The following ST6GAL2 variants were observed in gnomAD, a reference collection of about 807,000 sequenced individuals.
The protein encoded by ST6GAL2 is beta-galactoside alpha-2,6-sialyltransferase 2.
ST6GAL2 carries 24 observed loss-of-function variants against 37.5 expected under a neutral mutation model. The ratio of observed to expected loss-of-function variants is 0.64; its 90% confidence interval spans 0.46 to 0.90. The LOEUF (loss-of-function observed/expected upper bound fraction) is 0.90, where lower values mean the gene tolerates loss of function less well. Ranked by LOEUF, ST6GAL2 falls within the 40% of genes least tolerant of loss-of-function variation. The pLI, the probability that ST6GAL2 is intolerant of heterozygous loss-of-function variation, is 0.00. For missense variants in ST6GAL2, 715 were observed against 712.7 expected, an observed-to-expected ratio of 1.00 and a Z score of -0.04; for synonymous variants, 306 against 295.1, an observed-to-expected ratio of 1.04 and a Z score of -0.38.
intron 5 of ST6GAL2, among the ~76,000 whole-genome samples, chr2:106,807,566 T>G (rs541451133): frequency 5.9e-5 from 9 of 152,288 alleles, no homozygotes; most frequent in African/African-American, 2.2e-4. Context: ...AGTGTTAAAC[T>G]TTTAATTTTT....
At chr2:106,854,985 G>A (rs1256405740) in intron 1 of ST6GAL2, among the ~76,000 whole-genome samples, 3 of 151,088 alleles carry the variant, frequency 2.0e-5, no homozygotes, top group African/African-American at 7.3e-5. Context: ...AACCCTGTCA[G>A]GGACTGAATA....
At chr2:106,862,149 T>G (rs1399553034) in intron 1 of ST6GAL2, among the ~76,000 whole-genome samples, 1 of 152,248 alleles carries the variant, frequency 6.6e-6, no homozygotes, top group African/African-American at 2.4e-5. Context: ...ATTCCGTATA[T>G]GATATGCAGC....
upstream of ST6GAL2, chr2:106,886,646 C>G (rs1679011290): frequency 6.6e-6 from 1 of 151,866 alleles, no homozygotes. Context: ...ACCGAGGCTG[C>G]GCCGCGCCCC....
At chr2:106,860,577 C>G (rs1392800560) in intron 1 of ST6GAL2, among the ~76,000 whole-genome samples, 1 of 152,122 alleles carries the variant, frequency 6.6e-6, no homozygotes, top group East Asian at 1.9e-4. Context: ...TACTGCAACA[C>G]GGGCAGGTAC....
intron 1 of ST6GAL2, among the ~76,000 whole-genome samples, chr2:106,849,009 T>C (rs1677253021): frequency 6.6e-6 from 1 of 152,168 alleles, no homozygotes; most frequent in Non-Finnish European, 1.5e-5. Context: ...GTATGGAAAA[T>C]GCTGTGATTC....
At chr2:106,854,912 T>A (rs1394694497) in intron 1 of ST6GAL2, among the ~76,000 whole-genome samples, 2 of 147,256 alleles carry the variant, frequency 1.4e-5, no homozygotes, top group Admixed American at 6.9e-5. Flanking sequence ...CTTTAAGGAA[T>A]TTTTTATTAT....
intron 1 of ST6GAL2, among the ~76,000 whole-genome samples, chr2:106,863,593 C>A (rs985734503): frequency 6.6e-6 from 1 of 152,128 alleles, no homozygotes; most frequent in African/African-American, 2.4e-5. Flanking sequence ...CACTATGGGG[C>A]ACTGTGCAAC....
Position 106,841,946 on chromosome 2 carries a change from C to T in ST6GAL2, c.943+1089G>A, listed in dbSNP as rs542683677. Reference sequence around the variant, plus strand: ...CCAGCTGGTTGGTCAAACACTAGTCCAGATGTTGCTGGGAAGGTGTTTTTA... The same window carrying T: ...CCAGCTGGTTGGTCAAACACTAGTCTAGATGTTGCTGGGAAGGTGTTTTTA... On this transcript the variant is annotated intron_variant, in intron 2 of 5. Coordinates refer to ENST00000409382, the MANE Select transcript of ST6GAL2 (RefSeq NM_001142351.2). 1.2e-4 allele frequency among the ~76,000 whole-genome samples: 19 copies of T among 152,320 alleles called. No homozygotes were observed. In the South Asian group the frequency reaches 2.9e-3, roughly 23 times the overall value.
chr2:106,852,920 C>T (rs549821643), intron 1 of ST6GAL2, among the ~76,000 whole-genome samples: 1 of 152,148 alleles, frequency 6.6e-6, no homozygotes, highest in African/African-American at 2.4e-5. Context: ...CTCGATTCCT[C>T]GTCTCAGTTT....
chr2:106,836,960 A>AT lies in ST6GAL2; in HGVS notation c.944-2815_944-2814insA, dbSNP rs1553420418. On this transcript the variant is annotated intron_variant, in intron 2 of 5. Coordinates refer to ENST00000409382, the MANE Select transcript of ST6GAL2 (RefSeq NM_001142351.2). ...ATTCCATCTCAAAAAAAAAAAAAAAAAAGAATTGAAACACCACATTGATTA... is the reference window on the plus strand; with the variant it reads ...ATTCCATCTCAAAAAAAAAAAAAAAATAAGAATTGAAACACCACATTGATTA... Among the ~76,000 whole-genome samples, 180 of 150,774 alleles carry AT rather than the reference A, an allele frequency of 1.2e-3. 2 individuals are homozygous for AT. Among genetic ancestry groups the AT allele is most frequent in the African/African-American group, 3.9e-3 (159 of 41,120 alleles).
At chr2:106,846,286 T>C (rs1294474285) in intron 1 of ST6GAL2, among the ~76,000 whole-genome samples, 1 of 152,204 alleles carries the variant, frequency 6.6e-6, no homozygotes, top group Middle Eastern at 3.2e-3. Flanking sequence ...TGTGTATAGA[T>C]GTGTATAAAT....
chr2:106,870,308 A>G (rs768951064), intron 1 of ST6GAL2, among the ~76,000 whole-genome samples: 6 of 152,182 alleles, frequency 3.9e-5, no homozygotes, highest in African/African-American at 7.2e-5. Flanking sequence ...GTATAAACTG[A>G]ATGTTTAATA....
chr2:106,824,879 C>T (rs1373808161), intron 5 of ST6GAL2: 9 of 152,182 alleles, frequency 5.9e-5, no homozygotes, highest in African/African-American at 2.2e-4. Flanking sequence ...GCTGGTACCT[C>T]CATCAGTACG....
chr2:106,867,495 T>C (rs1421484269), intron 1 of ST6GAL2, among the ~76,000 whole-genome samples: 1 of 152,190 alleles, frequency 6.6e-6, no homozygotes, highest in Non-Finnish European at 1.5e-5. Context: ...TGTTACCCGG[T>C]GGTGCATCGG....
chr2:106,877,151 A>G (rs1448119117), intron 1 of ST6GAL2, among the ~76,000 whole-genome samples: 2 of 152,202 alleles, frequency 1.3e-5, no homozygotes, highest in Non-Finnish European at 2.9e-5. Context: ...ACTGACTACA[A>G]TACCACCTTC....
At chr2:106,884,937 A>G (rs1344072794) in intron 1 of ST6GAL2, among the ~76,000 whole-genome samples, 1 of 110,902 alleles carries the variant, frequency 9.0e-6, no homozygotes, top group Non-Finnish European at 1.9e-5. Flanking sequence ...ATATATATAC[A>G]TACACACACA....
At chr2:106,862,844 A>C (rs1224019065) in intron 1 of ST6GAL2, among the ~76,000 whole-genome samples, 2 of 152,242 alleles carry the variant, frequency 1.3e-5, no homozygotes, top group African/African-American at 4.8e-5. Context: ...ATCAGCCAAG[A>C]AAATGACTAA....
At chr2:106,830,310 G>C in intron 4 of ST6GAL2, 70 bp from the exon 5 acceptor site, 4 of 1,378,208 alleles carry the variant, frequency 2.9e-6, no homozygotes, top group Non-Finnish European at 4.0e-6. Context: ...GGCATGGCTG[G>C]TTGATTTGAG....
At chr2:106,865,482 G>A (rs1304984526) in intron 1 of ST6GAL2, among the ~76,000 whole-genome samples, 1 of 152,180 alleles carries the variant, frequency 6.6e-6, no homozygotes, top group Non-Finnish European at 1.5e-5. Flanking sequence ...GCCTTGTCTG[G>A]GGAGAAAGAA....
Sources: gnomAD v4.1 joint callset for allele counts (sites outside exome capture counted in the v4.1 genomes callset) on GRCh38, gnomAD v4.1.1 for gene constraint, MANE v1.5 for transcripts, NCBI Gene and HGNC (gene_info 2026-07-23, HGNC 2026-07-21) for gene names.